The following RPH3A variants were observed in gnomAD, a reference collection of about 807,000 sequenced individuals.
RPH3A encodes rabphilin-3A.
A neutral mutation model predicts 102.2 loss-of-function variants in RPH3A; 48 were observed. The ratio of observed to expected loss-of-function variants is 0.47; its 90% CI spans 0.37 to 0.60. The LOEUF is 0.60. RPH3A is among the 20% of genes least tolerant of loss of function. RPH3A has a pLI of 0.00. For missense variants in RPH3A, 781 were observed against 910.1 expected (o/e 0.86, Z 1.83); for synonymous variants, 310 against 324.3 (o/e 0.96, Z 0.47).
intron 18 of RPH3A, among the ~76,000 whole-genome samples, chr12:112,890,375 T>C (rs2043072905): frequency 6.6e-6 from 1 of 152,190 alleles, no homozygotes; most frequent in Non-Finnish European, 1.5e-5. Flanking sequence ...CACTCCTTTC[T>C]TGGAGTAGAT....
intron 16 of RPH3A, among the ~76,000 whole-genome samples, chr12:112,885,389 G>A (rs1377109784): frequency 1.3e-5 from 2 of 152,186 alleles, no homozygotes; most frequent in Non-Finnish European, 2.9e-5. Context: ...GGCCATTCTG[G>A]TAGGTGTGCA....
chr12:112,798,489 T>C (rs1195508973), intron 2 of RPH3A, among the ~76,000 whole-genome samples: 1 of 152,156 alleles, frequency 6.6e-6, no homozygotes, highest in Non-Finnish European at 1.5e-5. Context: ...GCAGAGAACA[T>C]ATTATGTAAG....
intron 1 of RPH3A, among the ~76,000 whole-genome samples, chr12:112,634,075 G>T (rs371143800): frequency 6.6e-5 from 10 of 152,308 alleles, no homozygotes; most frequent in African/African-American, 2.4e-4. Flanking sequence ...TCGGCTGGGC[G>T]CAGTGGCTCA....
At chr12:112,642,236 A>AT (rs1418910368) in intron 1 of RPH3A, among the ~76,000 whole-genome samples, 2 of 152,042 alleles carry the variant, frequency 1.3e-5, no homozygotes, top group Non-Finnish European at 2.9e-5. Flanking sequence ...CATGTTTACT[A>AT]TTTTTTCCAA....
intron 3 of RPH3A, among the ~76,000 whole-genome samples, chr12:112,834,134 C>T (rs1035553022): frequency 6.6e-6 from 1 of 152,218 alleles, no homozygotes; most frequent in Non-Finnish European, 1.5e-5. Flanking sequence ...CTTCTTACCC[C>T]TCCCTCTCCC....
rs550964197 is a variant in RPH3A, at chr12:112,644,481, C to T, written c.-140+69162C>T. 3.3e-5 allele frequency among the ~76,000 whole-genome samples: 5 copies of T among 152,266 alleles called. No homozygotes were observed. The East Asian group carries it at 9.6e-4, about 29-fold the overall frequency. ...GCTCCTGATGGCATGAATGCCCTGT[C>T]ACTTCTGATCTGCCCTGCAAATGAG... On this transcript the variant is annotated intron_variant, in intron 1 of 21. Transcript: ENST00000543106.
chr12:112,610,291 T>C (rs547665176), intron 1 of RPH3A, among the ~76,000 whole-genome samples: 2 of 152,164 alleles, frequency 1.3e-5, no homozygotes, highest in South Asian at 2.1e-4. Flanking sequence ...TCACCTGAGG[T>C]TGGGAGTTCG....
chr12:112,763,857 C>T (rs1234060927), intron 1 of RPH3A, among the ~76,000 whole-genome samples: 3 of 152,098 alleles, frequency 2.0e-5, no homozygotes, highest in South Asian at 2.1e-4. Context: ...TGAGGGGCTT[C>T]GGATTTTATT....
rs529826755 is a variant in RPH3A at position 112,712,925 on chromosome 12, C to CTCTTCTTCTTCTTCTTCT, written c.-139-79195_-139-79178dup. 8.5e-3 allele frequency among the ~76,000 whole-genome samples: 801 copies of CTCTTCTTCTTCTTCTTCT among 94,432 alleles called. 30 individuals are homozygous for CTCTTCTTCTTCTTCTTCT. Among genetic ancestry groups the CTCTTCTTCTTCTTCTTCT allele is most frequent in the African/African-American group, 0.019 (414 of 21,872 alleles). 62.0% of individuals were successfully genotyped at this position (94,432 alleles called of 152,430 possible). ...CTTCCTCTTCTTCTTCTTCTTCTTC[C>CTCTTCTTCTTCTTCTTCT]TCTTCTTCTTCTTCTTCTTCTTCTT... On this transcript the variant is annotated intron_variant, in intron 1 of 21. Coordinates refer to the RPH3A transcript ENST00000543106.
At position 112,889,575 on chromosome 12, in the gene RPH3A, T is replaced by G. The variant is rs372896060; in HGVS notation, c.1564-449T>G. On this transcript the variant is annotated intron_variant, in intron 17 of 21. Transcript: ENST00000389385. ...TGGATTTAACCAATGGTTTTCTAACTCTGTTTCCCAGAGCCTAGAGTTCAG... is the reference window on the plus strand; with the variant it reads ...TGGATTTAACCAATGGTTTTCTAACGCTGTTTCCCAGAGCCTAGAGTTCAG... Among the ~76,000 whole-genome samples, 121 of 152,256 alleles carry G rather than the reference T, an allele frequency of 7.9e-4. No individual in the cohort carries two copies. The South Asian group carries it at 0.019, about 24-fold the overall frequency.
chr12:112,701,500 A>G (rs1442988241), intron 1 of RPH3A, among the ~76,000 whole-genome samples: 3 of 152,254 alleles, frequency 2.0e-5, no homozygotes, highest in African/African-American at 7.2e-5. Flanking sequence ...ACCTAAGGTC[A>G]GGTCTGAAGC....
chr12:112,680,324 AT>A (rs2040217955), intron 1 of RPH3A, among the ~76,000 whole-genome samples: 6 of 152,168 alleles, frequency 3.9e-5, no homozygotes, highest in Non-Finnish European at 1.5e-5. Flanking sequence ...CATTTAGGTG[AT>A]TGTAAAAAGT....
chr12:112,697,052 T>C (rs577394054), intron 1 of RPH3A, among the ~76,000 whole-genome samples: 15 of 152,300 alleles, frequency 9.8e-5, no homozygotes, highest in Non-Finnish European at 2.1e-4. Flanking sequence ...AACTGACTAC[T>C]GAAAGCTTTT....
intron 4 of RPH3A, among the ~76,000 whole-genome samples, chr12:112,842,797 C>T (rs1447558228): frequency 1.3e-5 from 2 of 152,242 alleles, no homozygotes; most frequent in Non-Finnish European, 2.9e-5. Context: ...GCAAGGGCTG[C>T]TGTGTCCTGG....
intron 1 of RPH3A, among the ~76,000 whole-genome samples, chr12:112,749,782 A>G (rs1027228717): frequency 6.6e-6 from 1 of 152,220 alleles, no homozygotes; most frequent in Non-Finnish European, 1.5e-5. Context: ...CTTATTTTTT[A>G]TCTCTCAACC....
At chr12:112,654,067 C>T (rs1266211345) in intron 1 of RPH3A, among the ~76,000 whole-genome samples, 4 of 152,194 alleles carry the variant, frequency 2.6e-5, no homozygotes, top group Non-Finnish European at 5.9e-5. Flanking sequence ...CAAGAACTTG[C>T]ACGGAGCTGT....
At chr12:112,829,575 A>G (rs1593054191) in intron 3 of RPH3A, among the ~76,000 whole-genome samples, 1 of 152,310 alleles carries the variant, frequency 6.6e-6, no homozygotes, top group African/African-American at 2.4e-5. Flanking sequence ...CCCAGCCTAC[A>G]AAGGCTTTTT....
chr12:112,700,882 C>CT lies in RPH3A; in HGVS notation c.-139-91259dup, dbSNP rs373927527. On this transcript the variant is annotated intron_variant, in intron 1 of 21. Transcript: ENST00000543106. ...TTATCCATTCTCATGTCCCAACCAC[C>CT]TTCTCTGGGCTGATGATCCCTTCAT... 2.3e-3 allele frequency among the ~76,000 whole-genome samples: 343 copies of CT among 152,282 alleles called. 1 individual carries two copies. Among genetic ancestry groups the CT allele is most frequent in the African/African-American group, 7.7e-3 (319 of 41,544 alleles).
At chr12:112,847,989 A>G in intron 5 of RPH3A, 147 bp downstream of exon 5, 3 of 773,420 alleles carry the variant, frequency 3.9e-6, no homozygotes, top group Non-Finnish European at 6.1e-6. Flanking sequence ...TCCCCGCCCC[A>G]CCCCCTTCCC....
Sources: allele counts gnomAD v4.1 joint callset (sites outside exome capture counted in the v4.1 genomes callset), GRCh38; gene constraint gnomAD v4.1.1; transcripts MANE v1.5; gene names NCBI Gene and HGNC (gene_info 2026-07-23, HGNC 2026-07-21).